SNX14: variants seen among roughly 807,000 people sequenced by gnomAD.
SNX14 encodes the protein sorting nexin-14.
Under a neutral mutation model 133.8 loss-of-function variants are expected in SNX14, and 93 were observed. That is an observed-to-expected ratio of 0.70 (90% CI 0.59 to 0.83). SNX14 has a LOEUF of 0.83. SNX14 is among the 40% of genes least tolerant of loss of function. The pLI is 0.00. For missense variants in SNX14, 945 were observed against 1,094.9 expected (o/e 0.86, Z 1.93); for synonymous variants, 368 against 365.6 (o/e 1.01, Z -0.07).
At chr6:85,565,611 A>G (rs1284603204) in intron 5 of SNX14, among the ~76,000 whole-genome samples, 192 bp from the exon 6 acceptor site, 3 of 152,232 alleles carry the variant, frequency 2.0e-5, no homozygotes, top group African/African-American at 7.2e-5. Context: ...TAATTCTAGC[A>G]TCAAGACATA....
chr6:85,518,444 CAA>C (rs560100190), intron 21 of SNX14, among the ~76,000 whole-genome samples: 1 of 151,462 alleles, frequency 6.6e-6, no homozygotes, highest in Non-Finnish European at 1.5e-5. Flanking sequence ...AAAGGTCAGT[CAA>C]AAAAAAGTTT....
chr6:85,574,528 A>C, intron 1 of SNX14, 150 bp from the exon 2 acceptor site: 1 of 542,926 alleles, frequency 1.8e-6, no homozygotes, highest in Non-Finnish European at 3.2e-6. Flanking sequence ...GTAATGTATT[A>C]AATACAAGAA....
At position 85,535,559 on chromosome 6, in the gene SNX14, C is replaced by T. The variant is rs557835660; in HGVS notation, c.1608+1233G>A. On this transcript the variant is annotated intron_variant, in intron 17 of 28. Coordinates refer to ENST00000314673, the MANE Select transcript of SNX14 (RefSeq NM_153816.6). ...GGCGGAGGTTGCAGTGAGCTGAGAT[C>T]GTGCCATTGCACTCCAGCCTGGGTG... 5.9e-5 allele frequency among the ~76,000 whole-genome samples: 8 copies of T among 134,666 alleles called. No homozygotes were observed. In the South Asian group the frequency reaches 1.7e-3, roughly 28 times the overall value. 88.3% of individuals were successfully genotyped at this position (134,666 alleles called of 152,430 possible). A position where few individuals can be genotyped will look rare whatever the true frequency, so the allele number is the denominator to read the frequency against.
At chr6:85,588,844 G>A (rs1801891205) in intron 1 of SNX14, 4 of 454,024 alleles carry the variant, frequency 8.8e-6, no homozygotes, top group South Asian at 6.2e-5. Context: ...ATATCATAAG[G>A]AAGAGAAAAT....
At position 85,543,598 on chromosome 6, in the gene SNX14, GACTT is replaced by G; in HGVS notation, c.1264+3_1264+6del. 6.4e-7 allele frequency: 1 copy of G among 1,562,742 alleles called. No homozygotes were observed. On this transcript the variant is annotated splice_donor_5th_base_variant and intron_variant, in intron 13 of 28. Coordinates refer to ENST00000314673, the MANE Select transcript of SNX14 (RefSeq NM_153816.6). ...TAAATAAGTCATTCTTATCGTCTTT[GACTT>G]ACTTCTTTGAATCTCTTCTACAATG...
chr6:85,592,012 C>CAAAAAT (rs899203366), intron 1 of SNX14, among the ~76,000 whole-genome samples: 3 of 152,096 alleles, frequency 2.0e-5, no homozygotes, highest in Non-Finnish European at 4.4e-5. Flanking sequence ...GACTCCGTCT[C>CAAAAAT]AAAAATAAAA....
At chr6:85,520,857 G>A (rs1412047243) in intron 21 of SNX14, among the ~76,000 whole-genome samples, 6 of 152,156 alleles carry the variant, frequency 3.9e-5, no homozygotes. Context: ...CAGTTTATCT[G>A]TCCATTCAAT....
At chr6:85,513,042 A>C (rs1773512570) in intron 26 of SNX14, among the ~76,000 whole-genome samples, 1 of 152,168 alleles carries the variant, frequency 6.6e-6, no homozygotes, top group Non-Finnish European at 1.5e-5. Flanking sequence ...TATCTCTACT[A>C]ATCTATCCTA....
chr6:85,518,266 C>T (rs1343998794), intron 21 of SNX14, among the ~76,000 whole-genome samples: 1 of 151,870 alleles, frequency 6.6e-6, no homozygotes, highest in Non-Finnish European at 1.5e-5. Context: ...TAAAAAAATC[C>T]AGTGAGGTAA....
At position 85,543,218 on chromosome 6, in the gene SNX14, C is replaced by A; in HGVS notation, c.1353G>T (p.Glu451Asp). Residue 451 changes from glutamate (E) to aspartate (D), a missense_variant, in exon 14 of 29, where the codon GAG becomes GAT. Glu to Asp is a conservative substitution (Grantham distance 45, BLOSUM62 2). Around this residue, in one of 3 missense-constraint regions of SNX14, gnomAD observed 514 missense variants for 538.8 expected, o/e 0.95. Transcript: ENST00000314673. ...EAYEHVLSLL[E>D]NVFTPMFCHS... Reference sequence around the variant, plus strand: ...GGCAGAACATAGGAGTAAATACATTCTCCAAAAGGGAAAGAACATGTTCAT... The same window carrying A: ...GGCAGAACATAGGAGTAAATACATTATCCAAAAGGGAAAGAACATGTTCAT... The A allele has an allele frequency of 6.3e-7, 1 of 1,594,562 alleles. No homozygotes were observed. The highest frequency in any genetic ancestry group is 8.5e-7 in the Non-Finnish European group (1 of 1,172,616).
intron 20 of SNX14, among the ~76,000 whole-genome samples, chr6:85,527,175 A>G (rs1020984755): frequency 3.9e-5 from 6 of 152,232 alleles, no homozygotes; most frequent in Admixed American, 1.3e-4. Flanking sequence ...AGAAATCTAC[A>G]TTAAAAATTT....
At chr6:85,531,887 G>C (rs1377725715) in intron 18 of SNX14, among the ~76,000 whole-genome samples, 1 of 152,050 alleles carries the variant, frequency 6.6e-6, no homozygotes, top group Non-Finnish European at 1.5e-5. Context: ...AATTAGCTGG[G>C]CGTGGTGACA....
chr6:85,531,322 T>C (rs1780227762), intron 18 of SNX14, among the ~76,000 whole-genome samples: 2 of 152,196 alleles, frequency 1.3e-5, no homozygotes, highest in South Asian at 2.1e-4. Flanking sequence ...GTCTATCACA[T>C]AAAATAATCC....
rs567946129 is a variant in SNX14, at chr6:85,544,762, C to T, written c.1109-1002G>A. Among the ~76,000 whole-genome samples, 8 of 152,284 alleles carry T rather than the reference C, an allele frequency of 5.3e-5. 1 individual carries two copies. Among genetic ancestry groups the T allele is most frequent in the African/African-American group, 1.9e-4 (8 of 41,568 alleles). On this transcript the variant is annotated intron_variant, in intron 12 of 28. Coordinates refer to ENST00000314673, the MANE Select transcript of SNX14 (RefSeq NM_153816.6). ...GTGAGCCATGATCATGCCATCTTTTCAGACACACAAAAGCTAAGAAAATTT... is the reference window on the plus strand; with the variant it reads ...GTGAGCCATGATCATGCCATCTTTTTAGACACACAAAAGCTAAGAAAATTT...
intron 1 of SNX14, among the ~76,000 whole-genome samples, chr6:85,575,845 T>C (rs1797149434): frequency 6.6e-6 from 1 of 152,242 alleles, no homozygotes; most frequent in African/African-American, 2.4e-5. Flanking sequence ...GATCCAAACT[T>C]AGGAGTATGG....
chr6:85,566,940 G>A (rs1370157110), intron 5 of SNX14, among the ~76,000 whole-genome samples: 1 of 151,914 alleles, frequency 6.6e-6, no homozygotes, highest in East Asian at 1.9e-4. Context: ...AAAGCACAAG[G>A]CCCTTGCACG....
At chr6:85,547,247 A>G in intron 11 of SNX14, 21 bp from the exon 12 acceptor site, 2 of 1,612,034 alleles carry the variant, frequency 1.2e-6, no homozygotes, top group Non-Finnish European at 1.7e-6. Flanking sequence ...GAGAAAGATT[A>G]AGTTTAAGCT....
intron 21 of SNX14, among the ~76,000 whole-genome samples, chr6:85,523,753 A>G (rs1777642801): frequency 6.6e-6 from 1 of 151,670 alleles, no homozygotes; most frequent in South Asian, 2.1e-4. Context: ...TGACAGAGAG[A>G]CTCCATCTCC....
intron 26 of SNX14, among the ~76,000 whole-genome samples, chr6:85,512,532 G>A (rs1321054066): frequency 6.6e-6 from 1 of 150,800 alleles, no homozygotes; most frequent in Admixed American, 6.6e-5. Context: ...TGAGACAGTA[G>A]AATTGCTTGA....
Sources: allele counts gnomAD v4.1 joint callset (sites outside exome capture counted in the v4.1 genomes callset), GRCh38; gene constraint gnomAD v4.1.1; regional missense constraint gnomAD v4.1.1; transcripts MANE v1.5; gene names NCBI Gene and HGNC (gene_info 2026-07-23, HGNC 2026-07-21).